Variants in CABCOCO1 observed in about 807,000 individuals in gnomAD.
The protein encoded by CABCOCO1 is ciliary-associated calcium-binding coiled-coil protein 1.
A neutral mutation model predicts 35.7 loss-of-function variants in CABCOCO1; 28 were observed. That is an observed-to-expected ratio of 0.78 (90% CI 0.58 to 1.07). The LOEUF (loss-of-function observed/expected upper bound fraction) is 1.07. CABCOCO1 is among the 50% of genes least tolerant of loss of function. The probability of loss-of-function intolerance (pLI) is 0.00; values close to 1 mark genes in which losing one functional copy is unlikely to be tolerated. For missense variants in CABCOCO1, 326 were observed against 309.2 expected, an observed-to-expected ratio of 1.05 and a Z score of -0.41; for synonymous variants, 95 against 100.1, an observed-to-expected ratio of 0.95 and a Z score of 0.30.
At chr10:61,710,524 T>C (rs544362556) in intron 5 of CABCOCO1, among the ~76,000 whole-genome samples, 1 of 152,132 alleles carries the variant, frequency 6.6e-6, no homozygotes, top group Admixed American at 6.6e-5. Flanking sequence ...TAATTTTATC[T>C]TTCAAATATG....
chr10:61,679,325 ATATC>A (rs781162264), intron 2 of CABCOCO1, among the ~76,000 whole-genome samples: 2,398 of 134,314 alleles, frequency 0.018, 82 homozygotes, highest in East Asian at 0.11. Flanking sequence ...ATCTATATCT[ATATC>A]TATCTATATC....
intron 2 of CABCOCO1, among the ~76,000 whole-genome samples, chr10:61,674,916 GTAAC>G (rs1261077721): frequency 1.3e-5 from 2 of 152,054 alleles, no homozygotes; most frequent in Admixed American, 6.6e-5. Flanking sequence ...TAAAATGAAA[GTAAC>G]TATATAAACA....
intron 2 of CABCOCO1, among the ~76,000 whole-genome samples, chr10:61,680,695 T>TTTATGTTATACATGTATAAC (rs1839749898): frequency 6.1e-5 from 3 of 49,338 alleles, no homozygotes; most frequent in Non-Finnish European, 1.0e-4. Context: ...ATGTATAACA[T>TTTATGTTATACATGTATAAC]ATATATGTTA....
At chr10:61,749,697 C>T (rs1297530956) in intron 5 of CABCOCO1, among the ~76,000 whole-genome samples, 1 of 152,228 alleles carries the variant, frequency 6.6e-6, no homozygotes, top group Non-Finnish European at 1.5e-5. Flanking sequence ...CCATAATGAA[C>T]TACTAGGGTT....
Position 61,690,562 on chromosome 10 carries a change from T to C in CABCOCO1, c.493T>C (p.Tyr165His). The C allele has an allele frequency of 2.5e-6, 4 of 1,604,740 alleles. No individual in the cohort carries two copies. The South Asian group carries it at 4.4e-5, about 18-fold the overall frequency. The change falls in exon 5 of 8, where the codon TAC (tyrosine) becomes CAC (histidine). Residue 165 changes from tyrosine to histidine, a missense_variant. Tyr to His is a moderately conservative substitution (Grantham distance 83). Transcript: ENST00000648843. Reference protein sequence around the residue: ...DYLKISLFQHYKLYEFMFYSA... With the variant: ...DYLKISLFQHHKLYEFMFYSA... ...TTTATATTTCAGCTTATTTCAACAC[T>C]ACAAGCTATACGAGTTTATGTTCTA...
intron 1 of CABCOCO1, among the ~76,000 whole-genome samples, chr10:61,666,596 C>A (rs968380349): frequency 6.6e-6 from 1 of 152,132 alleles, no homozygotes; most frequent in Non-Finnish European, 1.5e-5. Context: ...CTCCTCCTCT[C>A]CCTTCTGTCT....
chr10:61,740,991 A>T (rs1386915110), intron 5 of CABCOCO1, among the ~76,000 whole-genome samples: 1 of 152,012 alleles, frequency 6.6e-6, no homozygotes, highest in Non-Finnish European at 1.5e-5. Flanking sequence ...TACTAAAAAT[A>T]CAAAAATTAG....
intron 5 of CABCOCO1, among the ~76,000 whole-genome samples, chr10:61,757,288 G>T (rs763771979): frequency 6.6e-6 from 1 of 151,856 alleles, no homozygotes; most frequent in Non-Finnish European, 1.5e-5. Flanking sequence ...ATGCTTCTGG[G>T]CATTATGTTT....
At chr10:61,663,060 C>G (rs1025200749) in intron 1 of CABCOCO1, 28 bp downstream of exon 1, 4 of 241,970 alleles carry the variant, frequency 1.7e-5, no homozygotes, top group Non-Finnish European at 3.8e-5. Flanking sequence ...CTTCCCGGTA[C>G]CGGTGCCGGT....
At chr10:61,677,438 TAAG>T (rs1236607969) in intron 2 of CABCOCO1, among the ~76,000 whole-genome samples, 1 of 152,226 alleles carries the variant, frequency 6.6e-6, no homozygotes, top group Non-Finnish European at 1.5e-5. Context: ...TGATAAGACT[TAAG>T]AATGTATGAA....
intron 5 of CABCOCO1, among the ~76,000 whole-genome samples, chr10:61,697,136 T>C (rs1358072143): frequency 1.3e-5 from 2 of 152,122 alleles, no homozygotes; most frequent in Non-Finnish European, 2.9e-5. Context: ...TGTGAATATC[T>C]TTCTTCCCTA....
chr10:61,739,689 T>C (rs968079970), intron 5 of CABCOCO1, among the ~76,000 whole-genome samples: 1 of 152,164 alleles, frequency 6.6e-6, no homozygotes, highest in Non-Finnish European at 1.5e-5. Context: ...CAGTGGCTCA[T>C]GCCTGTAATC....
intron 3 of CABCOCO1, chr10:61,685,297 T>C (rs2131984643): frequency 6.6e-6 from 1 of 152,362 alleles, no homozygotes; most frequent in South Asian, 2.1e-4. Flanking sequence ...ATTTACATTT[T>C]CAGCTCTAAG....
At chr10:61,746,082 C>T (rs116554337) in intron 5 of CABCOCO1, among the ~76,000 whole-genome samples, 2,088 of 152,266 alleles carry the variant, frequency 0.014, 40 homozygotes, top group African/African-American at 0.047. Flanking sequence ...AAATATAGGC[C>T]TATGCTCTTT....
At chr10:61,694,062 C>A (rs546600826) in intron 5 of CABCOCO1, among the ~76,000 whole-genome samples, 51 of 151,834 alleles carry the variant, frequency 3.4e-4, no homozygotes, top group Admixed American at 1.8e-3. Context: ...ATTTCTGGAA[C>A]TTGTTAGTGT....
chr10:61,715,442 C>T (rs1840838715), intron 5 of CABCOCO1, among the ~76,000 whole-genome samples: 1 of 152,180 alleles, frequency 6.6e-6, no homozygotes, highest in Non-Finnish European at 1.5e-5. Flanking sequence ...ATACAGCACA[C>T]TGATGGGTCT....
At chr10:61,705,482 C>G (rs1328654681) in intron 5 of CABCOCO1, among the ~76,000 whole-genome samples, 2 of 152,200 alleles carry the variant, frequency 1.3e-5, no homozygotes, top group African/African-American at 4.8e-5. Context: ...TTATTGCTAT[C>G]ATGTGACACT....
chr10:61,664,501 T>C (rs1356241820), intron 1 of CABCOCO1, among the ~76,000 whole-genome samples: 2 of 152,212 alleles, frequency 1.3e-5, no homozygotes, highest in South Asian at 2.1e-4. Flanking sequence ...GAGCTAGTTA[T>C]AGATCTTAGA....
chr10:61,763,219 G>A (rs1365919744), intron 7 of CABCOCO1, among the ~76,000 whole-genome samples: 1 of 152,026 alleles, frequency 6.6e-6, no homozygotes, highest in Non-Finnish European at 1.5e-5. Context: ...CATGTTTTAA[G>A]TACAGTTGTT....
Sources: allele counts gnomAD v4.1 joint callset (sites outside exome capture counted in the v4.1 genomes callset), GRCh38; gene constraint gnomAD v4.1.1; transcripts MANE v1.5; gene names NCBI Gene and HGNC (gene_info 2026-07-23, HGNC 2026-07-21).